The following RALGDS variants were observed in gnomAD, a reference collection of about 807,000 sequenced individuals.
RALGDS encodes the protein ral guanine nucleotide dissociation stimulator.
Under a neutral mutation model 99.8 loss-of-function variants are expected in RALGDS, and 44 were observed. The ratio of observed to expected loss-of-function variants is 0.44; its 90% CI spans 0.35 to 0.57. The LOEUF is 0.57. Among genes scored for constraint, RALGDS ranks in the 20% least tolerant of loss-of-function variants. RALGDS has a pLI of 0.01. For synonymous variants in RALGDS, 529 were observed against 505.0 expected (o/e 1.05, Z -0.64); for missense variants, 1,022 against 1,203.1 (o/e 0.85, Z 2.23).
chr9:133,123,873 T>C (rs1210213044), upstream of RALGDS, among the ~76,000 whole-genome samples: 2 of 78,360 alleles, frequency 2.6e-5, no homozygotes, highest in East Asian at 3.6e-4. Context: ...TACACAGAGA[T>C]GCACACAGAG....
chr9:133,143,923 C>T (rs1441698209), intron 1 of RALGDS, among the ~76,000 whole-genome samples: 2 of 151,910 alleles, frequency 1.3e-5, no homozygotes, highest in East Asian at 3.9e-4. Context: ...ATGGCGGGGA[C>T]CTGACCCCTG....
At chr9:133,131,828 T>G (rs1832339847), upstream of RALGDS, among the ~76,000 whole-genome samples, 3 of 152,238 alleles carry the variant, frequency 2.0e-5, no homozygotes, top group Admixed American at 2.0e-4. Flanking sequence ...ATTTAGCATC[T>G]CTGGGCCTTA....
intron 9 of RALGDS, among the ~76,000 whole-genome samples, chr9:133,105,261 G>A (rs1481802213): frequency 6.6e-6 from 1 of 152,146 alleles, no homozygotes; most frequent in Non-Finnish European, 1.5e-5. Context: ...GGGGCACCAG[G>A]CAGTGACACT....
chr9:133,126,191 C>A (rs1031251123), upstream of RALGDS, among the ~76,000 whole-genome samples: 4 of 151,760 alleles, frequency 2.6e-5, no homozygotes, highest in African/African-American at 9.7e-5. Flanking sequence ...CACGCCCCCC[C>A]ACACCCCCAC....
At chr9:133,129,005 G>T in intron 1 of RALGDS, 2 of 1,116,534 alleles carry the variant, frequency 1.8e-6, no homozygotes, top group Non-Finnish European at 2.5e-6. Flanking sequence ...ACTCCCCTGT[G>T]AGTTCCAAAC....
Position 133,121,032 on chromosome 9 carries a change from G to A in RALGDS, c.123C>T (p.Asp41=), listed in dbSNP as rs992568016. 1.3e-6 allele frequency: 2 copies of A among 1,495,670 alleles called. No individual in the cohort carries two copies. The highest frequency in any genetic ancestry group is 1.5e-5 in the African/African-American group (1 of 68,660). The allele number at this position is 1,495,670 out of a possible 1,614,324, so 92.6% of individuals were successfully genotyped here. A position where few individuals can be genotyped will look rare whatever the true frequency, so the allele number is the denominator to read the frequency against. Residue 41 remains aspartate, a synonymous_variant, in exon 1 of 18, where the codon GAC becomes GAT. Coordinates refer to ENST00000372050, the MANE Select transcript of RALGDS (RefSeq NM_006266.4). ...AGCTGTGCAGCACCACCGGGCAGCT[G>A]TCGGGGACGCCCACCTCCAGGCGCA... ...DAVRLEVGVP[D]SCPVVLHSFT...
rs190924553 is a variant in RALGDS, at chr9:133,097,922, C to T, written c.*665G>A. ...TTGCATGGTCTCGTAAAGCCCAGGA[C>T]GCAGTGGTGAATGGCACTTGCAGTG... On this transcript the variant is annotated 3_prime_UTR_variant, in exon 18 of 18. Coordinates refer to ENST00000372050, the MANE Select transcript of RALGDS (RefSeq NM_006266.4). The T allele has an allele frequency of 1.9e-4, 45 of 232,256 alleles. No individual in the cohort carries two copies. The highest frequency in any genetic ancestry group is 1.3e-3 in the Middle Eastern group (1 of 780). The allele number at this position is 232,256 out of a possible 1,614,324, so 14.4% of individuals were successfully genotyped here.
At chr9:133,148,021 G>A (rs780141524) in intron 1 of RALGDS, among the ~76,000 whole-genome samples, 1 of 152,124 alleles carries the variant, frequency 6.6e-6, no homozygotes, top group African/African-American at 2.4e-5. Flanking sequence ...GCTTGGCCAC[G>A]CTCTGCACCA....
At chr9:133,107,350 G>A (rs752176902) in intron 6 of RALGDS, 50 bp from the exon 7 acceptor site, 54 of 1,503,794 alleles carry the variant, frequency 3.6e-5, no homozygotes, top group Non-Finnish European at 4.7e-5. Flanking sequence ...AGTCTGGGCT[G>A]GTGCTGGGGA....
intron 1 of RALGDS, among the ~76,000 whole-genome samples, chr9:133,116,779 G>T (rs558505164): frequency 6.6e-6 from 1 of 152,254 alleles, no homozygotes; most frequent in Non-Finnish European, 1.5e-5. Flanking sequence ...AGAGGAACTC[G>T]CCCAGGTCAG....
At chr9:133,123,392 C>T (rs902733702), upstream of RALGDS, among the ~76,000 whole-genome samples, 4 of 152,196 alleles carry the variant, frequency 2.6e-5, no homozygotes, top group Non-Finnish European at 5.9e-5. Flanking sequence ...CACCACTATT[C>T]TGGCCTTGAA....
intron 17 of RALGDS, 88 bp from the exon 18 acceptor site, chr9:133,098,850 G>C: frequency 1.5e-6 from 2 of 1,368,136 alleles, no homozygotes; most frequent in Non-Finnish European, 2.1e-6. Flanking sequence ...TACAAGGACT[G>C]TCTTGAGCCA....
chr9:133,102,913 G>A lies in RALGDS; in HGVS notation c.1792-13C>T, dbSNP rs773638071. Reference sequence around the variant, plus strand: ...TCACCTCGAACTCCTGGGGCCAGAGGGAAGCACAGGGCGGTGACAAGGCCC... The same window carrying A: ...TCACCTCGAACTCCTGGGGCCAGAGAGAAGCACAGGGCGGTGACAAGGCCC... On this transcript the variant is annotated splice_polypyrimidine_tract_variant and intron_variant, in intron 12 of 17. Transcript: ENST00000372050. The A allele has an allele frequency of 3.7e-6, 6 of 1,612,526 alleles. No homozygotes were observed. In the African/African-American group the frequency reaches 4.0e-5, roughly 11 times the overall value.
chr9:133,144,865 T>C lies in RALGDS; in HGVS notation c.18+4098A>G, dbSNP rs928254012. Among the ~76,000 whole-genome samples the C allele has an allele frequency of 6.6e-6, 1 of 152,232 alleles. No homozygotes were observed. The highest frequency in any genetic ancestry group is 2.4e-5 in the African/African-American group (1 of 41,470). On this transcript the variant is annotated intron_variant, in intron 1 of 17. Coordinates refer to the RALGDS transcript ENST00000393160. This position sits in a 1 kb window ranked among gnomAD's most constrained non-coding sequence, Gnocchi z 4.5. ...TATTTGGAAATAGGGTCTGTGCGGATAGAATCCGGATGAGGTCATACTGGA... is the reference window on the plus strand; with the variant it reads ...TATTTGGAAATAGGGTCTGTGCGGACAGAATCCGGATGAGGTCATACTGGA...
chr9:133,115,760 C>A (rs988391833), intron 1 of RALGDS, among the ~76,000 whole-genome samples: 8 of 152,220 alleles, frequency 5.3e-5, no homozygotes, highest in Non-Finnish European at 1.2e-4. Context: ...GCTGTAAAAA[C>A]CTGAGGGAAA....
At chr9:133,130,051 C>T (rs1009433404) in intron 1 of RALGDS, among the ~76,000 whole-genome samples, 1 of 151,916 alleles carries the variant, frequency 6.6e-6, no homozygotes, top group South Asian at 2.1e-4. Context: ...CGGCTCACTG[C>T]ACCTCTGCCT....
At chr9:133,133,105 A>G (rs1161429429), upstream of RALGDS, among the ~76,000 whole-genome samples, 1 of 149,840 alleles carries the variant, frequency 6.7e-6, no homozygotes, top group East Asian at 1.9e-4. Context: ...TTTCTGTGCT[A>G]TTCTTGAATA....
intron 1 of RALGDS, among the ~76,000 whole-genome samples, chr9:133,117,662 G>A (rs1831679118): frequency 6.6e-6 from 1 of 152,242 alleles, no homozygotes; most frequent in Non-Finnish European, 1.5e-5. Context: ...GGGGAACACT[G>A]CTCTGCTGTT....
chr9:133,098,224 G>T lies in RALGDS; in HGVS notation c.*363C>A. 2.4e-6 allele frequency: 1 copy of T among 415,776 alleles called. No homozygotes were observed. Among genetic ancestry groups the T allele is most frequent in the Non-Finnish European group, 4.5e-6 (1 of 222,494 alleles). 25.8% of individuals were successfully genotyped at this position (415,776 alleles called of 1,614,324 possible). On this transcript the variant is annotated 3_prime_UTR_variant, in exon 18 of 18. Transcript: ENST00000372050. The stretch of plus-strand genomic sequence containing the variant: ...GCAGTGGTCACAGTGGGTGCTCTGG[G>T]GTGCCCATGGGCACAGGTGGCAGTG...
Sources: gnomAD v4.1 joint callset for allele counts (sites outside exome capture counted in the v4.1 genomes callset) on GRCh38, gnomAD v4.1.1 for gene constraint, Gnocchi (gnomAD v3.1) non-coding constraint, MANE v1.5 for transcripts, NCBI Gene and HGNC (gene_info 2026-07-23, HGNC 2026-07-21) for gene names.